The following SPTAN1 variants were observed in gnomAD, a reference collection of about 807,000 sequenced individuals.
SPTAN1 encodes the protein spectrin alpha, non-erythrocytic 1.
SPTAN1 carries 61 observed loss-of-function variants against 331.3 expected under a neutral mutation model. The observed-to-expected ratio is 0.18, with a 90% CI of 0.15 to 0.23. The LOEUF is 0.23. Among genes scored for constraint, SPTAN1 ranks in the 10% least tolerant of loss-of-function variants. The pLI, the probability that SPTAN1 is intolerant of heterozygous loss-of-function variation, is 1.00. For missense variants in SPTAN1, 2,043 were observed against 3,147.9 expected (o/e 0.65, Z 8.40); for synonymous variants, 1,153 against 1,173.9 (o/e 0.98, Z 0.36).
At position 128,584,850 on chromosome 9, in the gene SPTAN1, GA is replaced by G. The variant is rs768243872; in HGVS notation, c.2560+8del. On this transcript the variant is annotated splice_region_variant and intron_variant, in intron 18 of 56. Coordinates refer to ENST00000372739, the MANE Select transcript of SPTAN1 (RefSeq NM_001130438.3). Reference sequence around the variant, plus strand: ...AATGCCATGGTGGAGGAAGGTGAGTGATTGGTATCAGTGACATGGCTTGGTG... The same window carrying G: ...AATGCCATGGTGGAGGAAGGTGAGTGTTGGTATCAGTGACATGGCTTGGTG... 1.8e-5 allele frequency: 29 copies of G among 1,614,036 alleles called. No homozygotes were observed. The highest frequency in any genetic ancestry group is 2.5e-5 in the Non-Finnish European group (29 of 1,180,046).
At chr9:128,632,388 G>C in intron 53 of SPTAN1, 43 bp from the exon 54 acceptor site, 2 of 1,613,328 alleles carry the variant, frequency 1.2e-6, no homozygotes, top group Non-Finnish European at 1.7e-6. Context: ...ACAGTCACCT[G>C]CTGTGTGGAG....
At chr9:128,563,528 C>T (rs528670071) in intron 1 of SPTAN1, among the ~76,000 whole-genome samples, 1 of 152,182 alleles carries the variant, frequency 6.6e-6, no homozygotes, top group Non-Finnish European at 1.5e-5. Context: ...TAGCTTTAGT[C>T]AGCACATTCT....
At chr9:128,582,284 T>C (rs901843579) in intron 12 of SPTAN1, among the ~76,000 whole-genome samples, 195 bp from the exon 13 acceptor site, 2 of 152,044 alleles carry the variant, frequency 1.3e-5, no homozygotes, top group Admixed American at 6.6e-5. Context: ...TGCAGTCTTA[T>C]GATATCTGAC....
chr9:128,630,423 A>AC (rs769505700), intron 52 of SPTAN1, 48 bp downstream of exon 52: 4 of 1,595,162 alleles, frequency 2.5e-6, no homozygotes, highest in African/African-American at 2.7e-5. Context: ...TCACCCAGCC[A>AC]CCCCCCAGGG....
intron 24 of SPTAN1, among the ~76,000 whole-genome samples, chr9:128,595,099 C>T (rs986893740): frequency 5.4e-5 from 8 of 147,394 alleles, no homozygotes; most frequent in Middle Eastern, 3.4e-3. Context: ...CGTAAGCCAC[C>T]GTGCCCGGCC....
Position 128,626,817 on chromosome 9 carries a change from T to TC in SPTAN1, c.6576+131dup, listed in dbSNP as rs150387180. 7.5e-3 allele frequency: 8,220 copies of TC among 1,089,932 alleles called. 235 individuals carry two copies. Among genetic ancestry groups the TC allele is most frequent in the African/African-American group, 0.063 (4,019 of 63,456 alleles). The allele number at this position is 1,089,932 out of a possible 1,614,324, so 67.5% of individuals were successfully genotyped here. A position where few individuals can be genotyped will look rare whatever the true frequency, so the allele number is the denominator to read the frequency against. Reference sequence around the variant, plus strand: ...GAGGAGCATGGTTTCATCAGAAGTTTCATTTCTTTTTGTGTTCTTGAGGCA... The same window carrying TC: ...GAGGAGCATGGTTTCATCAGAAGTTTCCATTTCTTTTTGTGTTCTTGAGGCA... On this transcript the variant is annotated intron_variant, in intron 49 of 56. Transcript: ENST00000372739.
chr9:128,633,061 C>G, intron 56 of SPTAN1, 106 bp downstream of exon 56: 1 of 1,592,182 alleles, frequency 6.3e-7, no homozygotes, highest in Non-Finnish European at 8.5e-7. Context: ...GGTATTCTCC[C>G]CATTTACAAA....
chr9:128,627,877 G>C lies in SPTAN1; in HGVS notation c.6690-48G>C, dbSNP rs2131994148. The C allele has an allele frequency of 6.2e-7, 1 of 1,612,342 alleles. No individual in the cohort carries two copies. The highest frequency in any genetic ancestry group is 2.2e-5 in the East Asian group (1 of 44,876). On this transcript the variant is annotated intron_variant, in intron 50 of 56. Transcript: ENST00000372739. The surrounding 1 kb of genome is among the most constrained non-coding windows in gnomAD (Gnocchi z 4.9). ...CTCTGTCCCCCCGATTGCTGCTGTT[G>C]TCCGGACACCACCTTGTCTCCCGGC... is the stretch of plus-strand genomic sequence containing the variant.
chr9:128,578,027 A>G lies in SPTAN1; in HGVS notation c.1086-83A>G, dbSNP rs4837280. The G allele has an allele frequency of 0.99, 1,447,048 of 1,455,176 alleles. 719,833 individuals carry two copies. The highest frequency in any genetic ancestry group is 1 in the East Asian group (44,043 of 44,046). 90.1% of individuals were successfully genotyped at this position (1,455,176 alleles called of 1,614,324 possible). On this transcript the variant is annotated intron_variant, in intron 8 of 56. Transcript: ENST00000372739. ...TATAGTTTGTTAGACATTTGAGAAC[A>G]TAGAATTCAGAGCTTTAGGGAGGCC...
chr9:128,557,960 C>T (rs1237995027), intron 1 of SPTAN1, among the ~76,000 whole-genome samples: 2 of 152,032 alleles, frequency 1.3e-5, no homozygotes, highest in African/African-American at 2.4e-5. Flanking sequence ...CCCGCCACCA[C>T]GCCCGGCTAA....
At chr9:128,603,812 A>G (rs1354765579) in intron 28 of SPTAN1, among the ~76,000 whole-genome samples, 1 of 152,206 alleles carries the variant, frequency 6.6e-6, no homozygotes, top group Non-Finnish European at 1.5e-5. Flanking sequence ...ACAGTGGAGC[A>G]AGCCTTCCCT....
chr9:128,611,661 A>G, intron 37 of SPTAN1, 53 bp from the exon 38 acceptor site: 1 of 1,608,474 alleles, frequency 6.2e-7, no homozygotes, highest in Non-Finnish European at 8.5e-7. Flanking sequence ...TCCCCCTGAA[A>G]AGACATAACC....
chr9:128,596,780 TC>T (rs1854357687), intron 24 of SPTAN1: 1 of 152,348 alleles, frequency 6.6e-6, no homozygotes, highest in Non-Finnish European at 1.5e-5. Context: ...AACCTCAAAC[TC>T]CTGTGCTCAA....
At chr9:128,567,715 T>TA (rs1001659289) in intron 2 of SPTAN1, among the ~76,000 whole-genome samples, 6 of 152,200 alleles carry the variant, frequency 3.9e-5, no homozygotes, top group African/African-American at 1.4e-4. Context: ...TGGTAAATCT[T>TA]ATCAAAAGCA....
At chr9:128,563,411 CCAAAAAA>C (rs778038290) in intron 1 of SPTAN1, among the ~76,000 whole-genome samples, 39 of 151,858 alleles carry the variant, frequency 2.6e-4, no homozygotes, top group Admixed American at 7.2e-4. Flanking sequence ...TGAGACCCTG[CCAAAAAA>C]CAAAAAACAA....
chr9:128,611,527 G>A, intron 37 of SPTAN1, 187 bp from the exon 38 acceptor site: 1 of 665,944 alleles, frequency 1.5e-6, no homozygotes, highest in Non-Finnish European at 2.6e-6. Context: ...TTCCTCCTTT[G>A]CTAACTCCCC....
intron 1 of SPTAN1, among the ~76,000 whole-genome samples, chr9:128,556,821 C>T (rs1265037215): frequency 6.6e-6 from 1 of 152,184 alleles, no homozygotes; most frequent in African/African-American, 2.4e-5. Flanking sequence ...TGCTTACCAT[C>T]AAATCTGCCA....
In SPTAN1 at chr9:128,594,804, C is replaced by CTT. The variant is rs10594067; in HGVS notation, c.3414+449_3414+450dup. ...AGATTATATTCCATCATGTATGTAG[C>CTT]TTTTTTTTTTTTTTTTTTTCAATTT... is the stretch of plus-strand genomic sequence containing the variant. On this transcript the variant is annotated intron_variant, in intron 24 of 56. Transcript: ENST00000372739. 1.2e-3 allele frequency among the ~76,000 whole-genome samples: 106 copies of CTT among 90,540 alleles called. 2 individuals are homozygous for CTT. The highest frequency in any genetic ancestry group is 2.0e-3 in the Non-Finnish European group (90 of 45,774). The allele number at this position is 90,540 out of a possible 152,430, so 59.4% of individuals were successfully genotyped here.
At chr9:128,608,490 G>A (rs754451902) in intron 34 of SPTAN1, among the ~76,000 whole-genome samples, 2 of 152,154 alleles carry the variant, frequency 1.3e-5, no homozygotes, top group African/African-American at 2.4e-5. Flanking sequence ...TCAAAGGGAT[G>A]GAAAACAAAT....
Sources: gnomAD v4.1 joint callset for allele counts (sites outside exome capture counted in the v4.1 genomes callset) on GRCh38, gnomAD v4.1.1 for gene constraint, Gnocchi (gnomAD v3.1) non-coding constraint, MANE v1.5 for transcripts, NCBI Gene and HGNC (gene_info 2026-07-23, HGNC 2026-07-21) for gene names.